The following GRIN2A variants were observed in gnomAD, a reference collection of about 807,000 sequenced individuals.
GRIN2A encodes glutamate receptor ionotropic, NMDA 2A.
GRIN2A carries 22 observed loss-of-function variants against 113.4 expected under a neutral mutation model. That is an observed-to-expected ratio of 0.19 (90% CI 0.14 to 0.28). GRIN2A has a LOEUF of 0.28. GRIN2A is among the 10% of genes least tolerant of loss of function. The pLI, the probability that GRIN2A is intolerant of heterozygous loss-of-function variation, is 1.00. For missense variants in GRIN2A, 1,502 were observed against 1,887.0 expected, an observed-to-expected ratio of 0.80 and a Z score of 3.78; for synonymous variants, 827 against 738.4, an observed-to-expected ratio of 1.12 and a Z score of -1.94.
intron 3 of GRIN2A, among the ~76,000 whole-genome samples, chr16:9,925,574 C>T (rs2044448100): frequency 6.6e-6 from 1 of 152,184 alleles, no homozygotes; most frequent in Admixed American, 6.6e-5. Flanking sequence ...CTTGAATCCC[C>T]TATCCTTAAG....
At chr16:10,017,467 T>C (rs2046632700) in intron 2 of GRIN2A, among the ~76,000 whole-genome samples, 1 of 152,138 alleles carries the variant, frequency 6.6e-6, no homozygotes, top group Non-Finnish European at 1.5e-5. Flanking sequence ...CCAAACAGCC[T>C]TGGTTGCATC....
intron 5 of GRIN2A, among the ~76,000 whole-genome samples, chr16:9,848,703 C>A: frequency 1.4e-5 from 1 of 69,980 alleles, no homozygotes; most frequent in East Asian, 2.5e-4. Flanking sequence ...ATAAAATACA[C>A]TGTTTTATAA....
chr16:10,059,020 G>A (rs536561019), intron 2 of GRIN2A, among the ~76,000 whole-genome samples: 148 of 152,310 alleles, frequency 9.7e-4, no homozygotes, highest in Non-Finnish European at 1.5e-3. Context: ...GCAGCAGGAT[G>A]GGGAATCATA....
intron 2 of GRIN2A, among the ~76,000 whole-genome samples, chr16:9,977,249 G>A (rs1793838415): frequency 6.8e-6 from 1 of 147,394 alleles, no homozygotes; most frequent in Non-Finnish European, 1.5e-5. Context: ...CCATGACTGT[G>A]TCACTGCACT....
At chr16:9,846,446 A>G (rs1005282829) in intron 5 of GRIN2A, among the ~76,000 whole-genome samples, 1 of 152,232 alleles carries the variant, frequency 6.6e-6, no homozygotes, top group African/African-American at 2.4e-5. Flanking sequence ...CACATATTAT[A>G]TCTTTAAAAT....
At chr16:9,787,472 T>G (rs1902300616) in intron 11 of GRIN2A, among the ~76,000 whole-genome samples, 1 of 152,252 alleles carries the variant, frequency 6.6e-6, no homozygotes, top group African/African-American at 2.4e-5. Context: ...AGGTATTGAT[T>G]GATGTCTTTT....
At chr16:9,959,693 G>T (rs2045391945) in intron 2 of GRIN2A, among the ~76,000 whole-genome samples, 3 of 152,200 alleles carry the variant, frequency 2.0e-5, no homozygotes, top group African/African-American at 7.2e-5. Flanking sequence ...AAAAACATTG[G>T]CCAGGCATGG....
chr16:9,960,510 C>T (rs769151734), intron 2 of GRIN2A, among the ~76,000 whole-genome samples: 5 of 152,176 alleles, frequency 3.3e-5, no homozygotes, highest in African/African-American at 7.2e-5. Flanking sequence ...AACTGGAAAA[C>T]GAGGCAGCCT....
chr16:10,070,617 G>T (rs768861800), intron 2 of GRIN2A, among the ~76,000 whole-genome samples: 1 of 152,124 alleles, frequency 6.6e-6, no homozygotes, highest in African/African-American at 2.4e-5. Flanking sequence ...TATTTATAAG[G>T]TTTCCCTTCG....
intron 2 of GRIN2A, among the ~76,000 whole-genome samples, chr16:9,993,908 C>T (rs1226122172): frequency 2.6e-5 from 4 of 152,178 alleles, no homozygotes; most frequent in East Asian, 1.9e-4. Flanking sequence ...GCTCAGATTT[C>T]GGACACATCA....
At chr16:9,979,850 TG>T (rs2045857647) in intron 2 of GRIN2A, among the ~76,000 whole-genome samples, 1 of 111,786 alleles carries the variant, frequency 8.9e-6, no homozygotes, top group Non-Finnish European at 1.9e-5. Flanking sequence ...ATATTCTGTG[TG>T]TGTGTGTGTG....
At chr16:9,905,820 A>G (rs2044017496) in intron 3 of GRIN2A, among the ~76,000 whole-genome samples, 1 of 152,190 alleles carries the variant, frequency 6.6e-6, no homozygotes, top group South Asian at 2.1e-4. Flanking sequence ...TTGAAAGTTG[A>G]TAGGTAAGAC....
chr16:10,118,100 G>A (rs1218881841), intron 2 of GRIN2A, among the ~76,000 whole-genome samples: 1 of 152,186 alleles, frequency 6.6e-6, no homozygotes, highest in Non-Finnish European at 1.5e-5. Flanking sequence ...ATCTGTTGTG[G>A]CTGGTGTTAT....
intron 2 of GRIN2A, among the ~76,000 whole-genome samples, chr16:9,984,620 T>A (rs553784680): frequency 6.6e-6 from 1 of 152,368 alleles, no homozygotes; most frequent in Admixed American, 6.5e-5. Flanking sequence ...GTCCTCAGAA[T>A]GGTCTGCCTC....
chr16:10,079,595 G>A (rs1437453401), intron 2 of GRIN2A, among the ~76,000 whole-genome samples: 3 of 152,128 alleles, frequency 2.0e-5, no homozygotes, highest in Admixed American at 6.5e-5. Context: ...AGAGATCAAC[G>A]GCCCCTTCCA....
At chr16:10,101,680 A>G (rs1245828707) in intron 2 of GRIN2A, among the ~76,000 whole-genome samples, 1 of 152,202 alleles carries the variant, frequency 6.6e-6, no homozygotes, top group African/African-American at 2.4e-5. Flanking sequence ...CCAGCAAGGA[A>G]AACCTGGGCT....
chr16:9,853,169 A>T (rs1352623187), intron 4 of GRIN2A, among the ~76,000 whole-genome samples: 1 of 152,168 alleles, frequency 6.6e-6, no homozygotes, highest in Non-Finnish European at 1.5e-5. Flanking sequence ...AGGAGCAGAG[A>T]AGGAAAGAGC....
At chr16:9,850,688 A>G (rs2042868016) in intron 4 of GRIN2A, among the ~76,000 whole-genome samples, 1 of 152,132 alleles carries the variant, frequency 6.6e-6, no homozygotes, top group Non-Finnish European at 1.5e-5. Flanking sequence ...AGTTCTATTT[A>G]AGTTGCAAAT....
chr16:9,842,077 C>A (rs1211493952), intron 5 of GRIN2A, among the ~76,000 whole-genome samples: 1 of 152,078 alleles, frequency 6.6e-6, no homozygotes, highest in Admixed American at 6.5e-5. Flanking sequence ...ATGGCGAAAC[C>A]CTGTCTCTAC....
Sources: allele counts gnomAD v4.1 joint callset (sites outside exome capture counted in the v4.1 genomes callset), GRCh38; gene constraint gnomAD v4.1.1; transcripts MANE v1.5; gene names NCBI Gene and HGNC (gene_info 2026-07-23, HGNC 2026-07-21).